ANGPT1: variants seen among roughly 807,000 people sequenced by gnomAD.
ANGPT1 encodes angiopoietin-1.
Under a neutral mutation model 62.2 loss-of-function variants are expected in ANGPT1, and 17 were observed. The ratio of observed to expected loss-of-function variants is 0.27; its 90% CI spans 0.19 to 0.41. The LOEUF is 0.41. Among genes scored for constraint, ANGPT1 ranks in the 10% least tolerant of loss-of-function variants. ANGPT1 has a pLI of 1.00. For synonymous variants in ANGPT1, 199 were observed against 198.9 expected (o/e 1.00, Z 0.00); for missense variants, 478 against 594.9 (o/e 0.80, Z 2.04).
chr8:107,488,986 C>T (rs1812886961), intron 1 of ANGPT1, among the ~76,000 whole-genome samples: 1 of 152,256 alleles, frequency 6.6e-6, no homozygotes, highest in South Asian at 2.1e-4. Context: ...AATGGAAAGT[C>T]TCCAATAATC....
intron 7 of ANGPT1, 84 bp downstream of exon 7, chr8:107,284,598 A>T: frequency 1.6e-6 from 2 of 1,215,798 alleles, no homozygotes; most frequent in Non-Finnish European, 1.1e-6. Context: ...GATGATTTTC[A>T]TTTCTTTTTT....
intron 7 of ANGPT1, among the ~76,000 whole-genome samples, chr8:107,283,026 T>G (rs566479631): frequency 3.4e-4 from 50 of 144,934 alleles, no homozygotes; most frequent in African/African-American, 1.2e-3. Context: ...CACACACACA[T>G]GCAGCCACCT....
intron 1 of ANGPT1, among the ~76,000 whole-genome samples, chr8:107,428,167 C>T (rs528913095): frequency 6.6e-5 from 10 of 152,160 alleles, no homozygotes; most frequent in Admixed American, 3.3e-4. Context: ...AATGTTTCTT[C>T]GCAAGCTACA....
chr8:107,294,578 T>C (rs11997995), intron 5 of ANGPT1: 20,285 of 152,242 alleles, frequency 0.13, 1,622 homozygotes, highest in East Asian at 0.35. Context: ...CAATATTTCA[T>C]TAGAGGCAAC....
intron 1 of ANGPT1, among the ~76,000 whole-genome samples, chr8:107,438,190 G>T (rs142998785): frequency 1.3e-5 from 2 of 152,180 alleles, no homozygotes; most frequent in East Asian, 3.9e-4. Flanking sequence ...GTTAATAATG[G>T]CCCATGTGAA....
At chr8:107,352,133 C>T (rs111493356) in intron 1 of ANGPT1, among the ~76,000 whole-genome samples, 1 of 152,154 alleles carries the variant, frequency 6.6e-6, no homozygotes, top group African/African-American at 2.4e-5. Context: ...ATATTGTTAC[C>T]AATGTTAAAA....
chr8:107,260,019 T>C (rs950274124), intron 8 of ANGPT1, among the ~76,000 whole-genome samples: 2 of 152,170 alleles, frequency 1.3e-5, no homozygotes, highest in African/African-American at 4.8e-5. Flanking sequence ...CTTTTAAATT[T>C]TTAATGAAAC....
At chr8:107,334,840 T>A (rs1815523040) in intron 3 of ANGPT1, among the ~76,000 whole-genome samples, 1 of 152,210 alleles carries the variant, frequency 6.6e-6, no homozygotes. Context: ...TTGTTAGTTC[T>A]AGAACATTTA....
intron 7 of ANGPT1, among the ~76,000 whole-genome samples, chr8:107,273,240 A>G (rs1813781744): frequency 1.3e-5 from 2 of 152,138 alleles, no homozygotes; most frequent in African/African-American, 4.8e-5. Context: ...CTTTCTTTCC[A>G]GCATTCCCTT....
intron 1 of ANGPT1, among the ~76,000 whole-genome samples, chr8:107,445,270 G>A (rs1315679504): frequency 6.6e-6 from 1 of 152,100 alleles, no homozygotes; most frequent in Non-Finnish European, 1.5e-5. Context: ...TCATTGCTTA[G>A]TGGATATTTT....
chr8:107,370,033 G>A (rs534887086), intron 1 of ANGPT1, among the ~76,000 whole-genome samples: 4 of 151,634 alleles, frequency 2.6e-5, no homozygotes, highest in Non-Finnish European at 5.9e-5. Flanking sequence ...CCACTCAGGA[G>A]GCTGAGGTGG....
At chr8:107,429,692 C>A (rs1043371664) in intron 1 of ANGPT1, among the ~76,000 whole-genome samples, 20 of 148,446 alleles carry the variant, frequency 1.3e-4, no homozygotes, top group Non-Finnish European at 2.7e-4. Flanking sequence ...GGGTTCCCAG[C>A]AACTAGTTAG....
At chr8:107,279,614 G>GTA (rs1433196914) in intron 7 of ANGPT1, among the ~76,000 whole-genome samples, 2 of 152,112 alleles carry the variant, frequency 1.3e-5, no homozygotes, top group African/African-American at 4.8e-5. Flanking sequence ...GACATCTGGT[G>GTA]TATAGTATGT....
At chr8:107,263,715 A>G (rs1813550766) in intron 8 of ANGPT1, among the ~76,000 whole-genome samples, 2 of 152,182 alleles carry the variant, frequency 1.3e-5, no homozygotes, top group South Asian at 4.1e-4. Flanking sequence ...ACTAGCTAAA[A>G]TATCTTGCAA....
At chr8:107,397,370 T>C (rs1163715655) in intron 1 of ANGPT1, among the ~76,000 whole-genome samples, 1 of 152,156 alleles carries the variant, frequency 6.6e-6, no homozygotes, top group African/African-American at 2.4e-5. Flanking sequence ...AGCCAGATGC[T>C]TTTGACTCAT....
At chr8:107,385,707 T>C (rs930773512) in intron 1 of ANGPT1, among the ~76,000 whole-genome samples, 1 of 152,034 alleles carries the variant, frequency 6.6e-6, no homozygotes, top group Non-Finnish European at 1.5e-5. Flanking sequence ...TTGTTTCATT[T>C]CAGTTCTCAT....
At chr8:107,336,417 G>C (rs1815562539) in intron 2 of ANGPT1, 146 bp from the exon 3 acceptor site, 1 of 1,260,152 alleles carries the variant, frequency 7.9e-7, no homozygotes, top group Non-Finnish European at 1.0e-6. Flanking sequence ...TGTAATCCCA[G>C]CACTTTGGGA....
At chr8:107,464,669 C>T (rs186220167) in intron 1 of ANGPT1, among the ~76,000 whole-genome samples, 23 of 152,184 alleles carry the variant, frequency 1.5e-4, no homozygotes, top group African/African-American at 5.5e-4. Flanking sequence ...TTCTCAGTGC[C>T]CCAACTTCCT....
intron 6 of ANGPT1, among the ~76,000 whole-genome samples, chr8:107,286,358 G>A (rs986308340): frequency 2.6e-5 from 4 of 151,930 alleles, no homozygotes; most frequent in South Asian, 2.1e-4. Flanking sequence ...TTAAAATTAC[G>A]AATTGTTGGA....
Sources: gnomAD v4.1 joint callset for allele counts (sites outside exome capture counted in the v4.1 genomes callset) on GRCh38, gnomAD v4.1.1 for gene constraint, MANE v1.5 for transcripts, NCBI Gene and HGNC (gene_info 2026-07-23, HGNC 2026-07-21) for gene names.